HOGA1: variants seen among roughly 807,000 people sequenced by gnomAD.
HOGA1 encodes the protein 4-hydroxy-2-oxoglutarate aldolase 1.
HOGA1 carries 30 observed loss-of-function variants against 34.3 expected under a neutral mutation model. The observed-to-expected ratio is 0.87, with a 90% CI of 0.65 to 1.19. HOGA1 has a LOEUF of 1.19. Ranked by LOEUF, HOGA1 falls within the 50% of genes most tolerant of loss-of-function variation. The pLI, the probability that HOGA1 is intolerant of heterozygous loss-of-function variation, is 0.00. For synonymous variants in HOGA1, 161 were observed against 174.0 expected (o/e 0.93, Z 0.59); for missense variants, 417 against 436.5 (o/e 0.96, Z 0.40).
chr10:97,610,233 C>T (rs1337674804), intron 6 of HOGA1, among the ~76,000 whole-genome samples: 2 of 152,138 alleles, frequency 1.3e-5, no homozygotes, highest in Non-Finnish European at 2.9e-5. Flanking sequence ...TTTGGGAGGC[C>T]AAGGTGGGCA....
chr10:97,584,422 T>G lies in HOGA1; in HGVS notation c.-282T>G, dbSNP rs1589898940. On this transcript the variant is annotated 5_prime_UTR_variant, in exon 1 of 7. Transcript: ENST00000370646. ...CTGGAGATACCGAAGGAGATACTCTTTAGTATTGGGATCCCAGAAACCAGT... is the reference window on the plus strand; with the variant it reads ...CTGGAGATACCGAAGGAGATACTCTGTAGTATTGGGATCCCAGAAACCAGT... 1 of 399,754 alleles carries G rather than the reference T, an allele frequency of 2.5e-6. No individual in the cohort carries two copies. Among genetic ancestry groups the G allele is most frequent in the East Asian group, 4.0e-5 (1 of 24,874 alleles). 24.8% of individuals were successfully genotyped at this position (399,754 alleles called of 1,614,324 possible).
rs763621943 is a variant in HOGA1 at position 97,584,672 on chromosome 10, T to C, written c.-32T>C. On this transcript the variant is annotated 5_prime_UTR_variant, in exon 1 of 7. Transcript: ENST00000370646. The stretch of plus-strand genomic sequence containing the variant: ...TCAAACTAAGTCTCACTCTGGGACA[T>C]AGACCAATTGTGCTTCAGGCCTCCT... 1.9e-6 allele frequency: 3 copies of C among 1,560,024 alleles called. No homozygotes were observed. Among genetic ancestry groups the C allele is most frequent in the Admixed American group, 3.4e-5 (2 of 58,444 alleles).
At chr10:97,598,375 T>A (rs898671778) in intron 1 of HOGA1, among the ~76,000 whole-genome samples, 2 of 152,210 alleles carry the variant, frequency 1.3e-5, no homozygotes, top group African/African-American at 4.8e-5. Flanking sequence ...ATACAGCAAT[T>A]AAAATGAATG....
At position 97,611,584 on chromosome 10, in the gene HOGA1, C is replaced by T. The variant is rs764469579; in HGVS notation, c.909C>T (p.Arg303=). 45 of 1,614,064 alleles carry T rather than the reference C, an allele frequency of 2.8e-5. No individual in the cohort carries two copies. Among genetic ancestry groups the T allele is most frequent in the South Asian group, 9.9e-5 (9 of 91,090 alleles). The change falls in exon 7 of 7, where the codon CGC becomes CGT. Residue 303 remains arginine, a synonymous_variant. Transcript: ENST00000370646. The stretch of plus-strand genomic sequence containing the variant: ...TTGGCTACTATGGAGGCCCCTGCCG[C>T]GCCCCCTTGCAGGAGCTGAGCCCCG... ...DWFGYYGGPC[R]APLQELSPAE...
intron 1 of HOGA1, among the ~76,000 whole-genome samples, chr10:97,596,624 A>G (rs1247347360): frequency 6.6e-6 from 1 of 151,916 alleles, no homozygotes; most frequent in Admixed American, 6.6e-5. Flanking sequence ...CACAGGAATC[A>G]ATCCCCCAGA....
rs189211168 is a variant in HOGA1 at position 97,603,913 on chromosome 10, A to T, written c.834+1923A>T. On this transcript the variant is annotated intron_variant, in intron 6 of 6. Coordinates refer to ENST00000370646, the MANE Select transcript of HOGA1 (RefSeq NM_138413.4). This position sits in a 1 kb window ranked among gnomAD's most constrained non-coding sequence, Gnocchi z 4.5. The stretch of plus-strand genomic sequence containing the variant: ...TTCCCATGCAACTTTAAGAACTAAT[A>T]CAAAGGGATCCCATGTACCCATGAG... Among the ~76,000 whole-genome samples the T allele has an allele frequency of 3.3e-5, 5 of 152,360 alleles. No individual in the cohort carries two copies. The highest frequency in any genetic ancestry group is 3.3e-4 in the Admixed American group (5 of 15,294).
intron 5 of HOGA1, 189 bp downstream of exon 5, chr10:97,600,352 CTTG>C (rs546057563): frequency 1.5e-6 from 1 of 649,432 alleles, no homozygotes; most frequent in Non-Finnish European, 2.8e-6. Flanking sequence ...TGTGAGTAAC[CTTG>C]TTGGCTGAAG....
At position 97,584,569 on chromosome 10, in the gene HOGA1, G is replaced by GC. The variant is rs2040950903; in HGVS notation, c.-131dup. On this transcript the variant is annotated 5_prime_UTR_variant, in exon 1 of 7. Coordinates refer to ENST00000370646, the MANE Select transcript of HOGA1 (RefSeq NM_138413.4). Reference sequence around the variant, plus strand: ...CCCTGGGAACACCCAGCTCAGGCCTGCCCCAGTGGCCACAAGTCAGGGAGG... The same window carrying GC: ...CCCTGGGAACACCCAGCTCAGGCCTGCCCCCAGTGGCCACAAGTCAGGGAGG... 3 of 775,208 alleles carry GC rather than the reference G, an allele frequency of 3.9e-6. No individual in the cohort carries two copies. The highest frequency in any genetic ancestry group is 2.5e-5 in the East Asian group (1 of 40,726). The allele number at this position is 775,208 out of a possible 1,614,324, so 48.0% of individuals were successfully genotyped here.
intron 6 of HOGA1, 137 bp from the exon 7 acceptor site, chr10:97,611,373 G>C (rs2041194212): frequency 1.1e-6 from 1 of 891,924 alleles, no homozygotes; most frequent in African/African-American, 1.6e-5. Flanking sequence ...ATGTACCCTG[G>C]GTGCCATAGA....
chr10:97,602,024 G>A (rs752070784), intron 6 of HOGA1, 34 bp downstream of exon 6: 235 of 1,591,402 alleles, frequency 1.5e-4, no homozygotes, highest in Admixed American at 2.9e-4. Flanking sequence ...CGGCCTGGCG[G>A]GGGGTGGGCA....
At chr10:97,592,166 G>T (rs1219560194) in intron 1 of HOGA1, among the ~76,000 whole-genome samples, 1 of 151,508 alleles carries the variant, frequency 6.6e-6, no homozygotes, top group Non-Finnish European at 1.5e-5. Flanking sequence ...TTTGGTTCTG[G>T]TCATCATATT....
At chr10:97,587,578 C>T (rs577997219) in intron 1 of HOGA1, among the ~76,000 whole-genome samples, 2 of 151,888 alleles carry the variant, frequency 1.3e-5, no homozygotes, top group South Asian at 4.2e-4. Context: ...GCATGATTTG[C>T]CTCACTGAAA....
chr10:97,591,186 T>C (rs955745813), intron 1 of HOGA1, among the ~76,000 whole-genome samples: 4 of 152,038 alleles, frequency 2.6e-5, no homozygotes, highest in African/African-American at 7.2e-5. Context: ...GTATTGGGCT[T>C]GGAGGAGAAA....
intron 1 of HOGA1, among the ~76,000 whole-genome samples, chr10:97,585,896 T>G (rs1434742865): frequency 2.0e-5 from 3 of 152,086 alleles, no homozygotes; most frequent in Non-Finnish European, 4.4e-5. Flanking sequence ...CCCAACACTT[T>G]GGGAGGCCGA....
At chr10:97,599,439 C>A in intron 3 of HOGA1, 1 of 714,036 alleles carries the variant, frequency 1.4e-6, no homozygotes, top group Non-Finnish European at 2.4e-6. Flanking sequence ...CATAGGGTTG[C>A]AGTGAGCATT....
At position 97,592,240 on chromosome 10, in the gene HOGA1, C is replaced by CTT. The variant is rs370993111; in HGVS notation, c.212-6518_212-6517dup. 3.5e-3 allele frequency among the ~76,000 whole-genome samples: 423 copies of CTT among 121,070 alleles called. 8 individuals carry two copies. The highest frequency in any genetic ancestry group is 0.01 in the African/African-American group (344 of 33,202). The allele number at this position is 121,070 out of a possible 152,430, so 79.4% of individuals were successfully genotyped here. On this transcript the variant is annotated intron_variant, in intron 1 of 6. Transcript: ENST00000370646. ...GAAGGATGTATAGAAAATCCCTGTA[C>CTT]TTTTTTTTTTTTTTTTTTGAGACGG... is the stretch of plus-strand genomic sequence containing the variant.
Position 97,611,877 on chromosome 10 carries a change from CTG to C in HOGA1, c.*222_*223del, listed in dbSNP as rs1186032258. The C allele has an allele frequency of 5.1e-6, 3 of 588,068 alleles. No individual in the cohort carries two copies. The highest frequency in any genetic ancestry group is 5.7e-5 in the East Asian group (2 of 35,198). The allele number at this position is 588,068 out of a possible 1,614,324, so 36.4% of individuals were successfully genotyped here. On this transcript the variant is annotated 3_prime_UTR_variant, in exon 7 of 7. Coordinates refer to ENST00000370646, the MANE Select transcript of HOGA1 (RefSeq NM_138413.4). The stretch of plus-strand genomic sequence containing the variant: ...TGACCTCTCCCTTTTGGATCCTAAA[CTG>C]TGTCTCTGGTCTGAAGACTGGGAAG...
At chr10:97,602,137 C>T in intron 6 of HOGA1, 147 bp downstream of exon 6, 1 of 1,549,540 alleles carries the variant, frequency 6.5e-7, no homozygotes, top group Non-Finnish European at 8.7e-7. Context: ...GTGGGAACTC[C>T]TTGTGACTCC....
intron 1 of HOGA1, among the ~76,000 whole-genome samples, chr10:97,585,503 A>C (rs2040962971): frequency 6.6e-6 from 1 of 152,156 alleles, no homozygotes; most frequent in Non-Finnish European, 1.5e-5. Flanking sequence ...AGGCACAATA[A>C]ATGAAGGTAG....
Sources: gnomAD v4.1 joint callset for allele counts (sites outside exome capture counted in the v4.1 genomes callset) on GRCh38, gnomAD v4.1.1 for gene constraint, Gnocchi (gnomAD v3.1) non-coding constraint, MANE v1.5 for transcripts, NCBI Gene and HGNC (gene_info 2026-07-23, HGNC 2026-07-21) for gene names.